The following FHIT variants were observed in gnomAD, a reference collection of about 807,000 sequenced individuals.
FHIT encodes bis(5'-adenosyl)-triphosphatase.
FHIT carries 19 observed loss-of-function variants against 17.9 expected under a neutral mutation model. The observed-to-expected ratio is 1.06, with a 90% confidence interval of 0.74 to 1.56. The LOEUF (loss-of-function observed/expected upper bound fraction) is 1.56, where lower values mean the gene tolerates loss of function less well. Ranked by LOEUF, FHIT falls within the 40% of genes most tolerant of loss-of-function variation. The pLI is 0.00. For missense variants in FHIT, 248 were observed against 189.2 expected (o/e 1.31, Z -1.82); for synonymous variants, 81 against 69.7 (o/e 1.16, Z -0.81).
chr3:60,952,172 C>CCA (rs1575742467), intron 3 of FHIT, among the ~76,000 whole-genome samples: 2 of 137,496 alleles, frequency 1.5e-5, no homozygotes, highest in East Asian at 3.9e-4. Flanking sequence ...CCTCCCCACC[C>CCA]CCCCCCCAAA....
intron 2 of FHIT, among the ~76,000 whole-genome samples, chr3:61,195,943 A>G (rs2038841204): frequency 6.6e-6 from 1 of 152,206 alleles, no homozygotes; most frequent in Non-Finnish European, 1.5e-5. Context: ...AAAAAATTTT[A>G]TATTAAAGAA....
At chr3:60,553,914 T>C (rs1238634110) in intron 4 of FHIT, among the ~76,000 whole-genome samples, 1 of 151,940 alleles carries the variant, frequency 6.6e-6, no homozygotes, top group African/African-American at 2.4e-5. Context: ...TGCAAAACCC[T>C]GTCTCTACTA....
intron 4 of FHIT, among the ~76,000 whole-genome samples, chr3:60,658,142 C>T (rs1235355380): frequency 6.6e-6 from 1 of 152,072 alleles, no homozygotes; most frequent in African/African-American, 2.4e-5. Context: ...TCTGTCTCTA[C>T]GATTTTGAAT....
intron 8 of FHIT, among the ~76,000 whole-genome samples, chr3:59,846,888 A>G (rs751711343): frequency 2.6e-5 from 4 of 151,912 alleles, no homozygotes; most frequent in Non-Finnish European, 5.9e-5. Context: ...TTCTTTTACC[A>G]CTTTGAATAT....
chr3:60,052,409 C>G (rs212042), intron 5 of FHIT, among the ~76,000 whole-genome samples: 97,124 of 151,948 alleles, frequency 0.64, 32,353 homozygotes, highest in Non-Finnish European at 0.74. Context: ...GGCAAATGTA[C>G]TTCTTGGTAA....
chr3:60,228,689 T>C (rs568125030), intron 5 of FHIT, among the ~76,000 whole-genome samples: 2 of 152,128 alleles, frequency 1.3e-5, no homozygotes, highest in Non-Finnish European at 2.9e-5. Flanking sequence ...CAAAGGCCAA[T>C]TTATAGCGTG....
At chr3:60,551,291 C>G (rs1484530664) in intron 4 of FHIT, among the ~76,000 whole-genome samples, 1 of 150,022 alleles carries the variant, frequency 6.7e-6, no homozygotes, top group East Asian at 2.0e-4. Context: ...TGTTCAGGGT[C>G]TAAATTTGAC....
chr3:61,170,613 G>T (rs575432487), intron 2 of FHIT, among the ~76,000 whole-genome samples: 24 of 152,260 alleles, frequency 1.6e-4, no homozygotes, highest in Admixed American at 1.0e-3. Context: ...TTATAAATGA[G>T]AATATGCAGC....
chr3:61,008,802 A>G (rs2031610444), intron 3 of FHIT, among the ~76,000 whole-genome samples: 1 of 152,198 alleles, frequency 6.6e-6, no homozygotes, highest in Non-Finnish European at 1.5e-5. Context: ...TAACAAGTTC[A>G]GTTCCCTCCA....
intron 5 of FHIT, among the ~76,000 whole-genome samples, chr3:60,034,601 T>C (rs1701137430): frequency 6.6e-6 from 1 of 152,194 alleles, no homozygotes; most frequent in Non-Finnish European, 1.5e-5. Context: ...CTAAAGTTGG[T>C]ATAAAGGCTG....
intron 3 of FHIT, among the ~76,000 whole-genome samples, chr3:60,860,441 GTATATATGAT>G (rs1703667430): frequency 1.6e-5 from 2 of 121,636 alleles, no homozygotes; most frequent in Admixed American, 8.5e-5. Flanking sequence ...TATATATCAT[GTATATATGAT>G]ACATATGTAC....
At chr3:60,178,817 T>C (rs1014448806) in intron 5 of FHIT, among the ~76,000 whole-genome samples, 4 of 152,136 alleles carry the variant, frequency 2.6e-5, no homozygotes, top group Admixed American at 1.3e-4. Flanking sequence ...TTCCTAGAAA[T>C]ATACCATGGT....
chr3:59,910,893 A>T (rs947141640), intron 8 of FHIT, among the ~76,000 whole-genome samples: 3 of 152,124 alleles, frequency 2.0e-5, no homozygotes, highest in Non-Finnish European at 2.9e-5. Flanking sequence ...GGGAAAAAAA[A>T]GAAGGAAAAA....
chr3:60,200,468 A>G (rs1702845847), intron 5 of FHIT, among the ~76,000 whole-genome samples: 1 of 152,136 alleles, frequency 6.6e-6, no homozygotes, highest in African/African-American at 2.4e-5. Flanking sequence ...GCATTTTCCT[A>G]TACATGACCA....
At chr3:60,013,651 G>C (rs1700224699) in intron 6 of FHIT, among the ~76,000 whole-genome samples, 1 of 152,208 alleles carries the variant, frequency 6.6e-6, no homozygotes, top group African/African-American at 2.4e-5. Flanking sequence ...CCTGGAATTA[G>C]AGCAGGGCTT....
intron 5 of FHIT, among the ~76,000 whole-genome samples, chr3:60,136,686 C>T (rs1168641041): frequency 6.6e-6 from 1 of 152,084 alleles, no homozygotes; most frequent in Non-Finnish European, 1.5e-5. Context: ...TTTCTATTAC[C>T]CGCAGATGTA....
chr3:60,876,260 A>T (rs1262086986), intron 3 of FHIT, among the ~76,000 whole-genome samples: 4 of 152,226 alleles, frequency 2.6e-5, no homozygotes, highest in East Asian at 1.9e-4. Context: ...ACAATCTGAG[A>T]ATTTTGTATC....
intron 4 of FHIT, among the ~76,000 whole-genome samples, chr3:60,648,489 G>A (rs537987503): frequency 6.6e-6 from 1 of 152,098 alleles, no homozygotes; most frequent in South Asian, 2.1e-4. Flanking sequence ...AGGAGTTGGG[G>A]GTGAAGGATT....
chr3:59,956,209 A>T (rs1280799605), intron 7 of FHIT, among the ~76,000 whole-genome samples: 1 of 152,160 alleles, frequency 6.6e-6, no homozygotes, highest in Non-Finnish European at 1.5e-5. Context: ...TAAAAGCCCC[A>T]GCTCTGGAGT....
Sources: allele counts gnomAD v4.1 joint callset (sites outside exome capture counted in the v4.1 genomes callset), GRCh38; gene constraint gnomAD v4.1.1; transcripts MANE v1.5; gene names NCBI Gene and HGNC (gene_info 2026-07-23, HGNC 2026-07-21).